Variants in DLGAP2 observed in about 807,000 individuals in gnomAD.
The protein encoded by DLGAP2 is disks large-associated protein 2.
In DLGAP2, 26 loss-of-function variants were observed where a neutral mutation model predicts 100.3. The ratio of observed to expected loss-of-function variants is 0.26; its 90% CI spans 0.19 to 0.36. DLGAP2 has a LOEUF of 0.36. DLGAP2 is among the 10% of genes least tolerant of loss of function. The pLI, the probability that DLGAP2 is intolerant of heterozygous loss-of-function variation, is 1.00. For synonymous variants in DLGAP2, 886 were observed against 630.1 expected (o/e 1.41, Z -6.08); for missense variants, 1,858 against 1,453.2 (o/e 1.28, Z -4.53).
intron 3 of DLGAP2, among the ~76,000 whole-genome samples, chr8:1,309,726 C>A (rs991722523): frequency 6.6e-6 from 1 of 152,210 alleles, no homozygotes; most frequent in East Asian, 1.9e-4. Context: ...ACCTTTGTTG[C>A]TACAGAAATT....
intron 3 of DLGAP2, among the ~76,000 whole-genome samples, chr8:1,265,514 A>G (rs775565973): frequency 2.0e-5 from 3 of 152,230 alleles, no homozygotes; most frequent in Non-Finnish European, 2.9e-5. Flanking sequence ...TTAAAAAAGA[A>G]TGGGGAGAAA....
At chr8:1,353,479 T>G (rs968902562) in intron 3 of DLGAP2, among the ~76,000 whole-genome samples, 4 of 152,222 alleles carry the variant, frequency 2.6e-5, no homozygotes, top group African/African-American at 4.8e-5. Flanking sequence ...CTTGCCCCGC[T>G]GCAGGCTCAT....
chr8:1,066,382 A>AC (rs1237895382), intron 2 of DLGAP2, among the ~76,000 whole-genome samples: 2 of 146,362 alleles, frequency 1.4e-5, no homozygotes, highest in Non-Finnish European at 3.0e-5. Context: ...GTTCCCCACC[A>AC]GGATCAGGTC....
chr8:1,208,336 T>C (rs757801890), intron 2 of DLGAP2, among the ~76,000 whole-genome samples: 23 of 152,244 alleles, frequency 1.5e-4, no homozygotes, highest in Non-Finnish European at 2.9e-4. Context: ...TCCCCGCTTA[T>C]GTTTTTGTTT....
At chr8:1,391,098 G>A (rs1483352791) in intron 3 of DLGAP2, among the ~76,000 whole-genome samples, 2 of 152,218 alleles carry the variant, frequency 1.3e-5, no homozygotes, top group African/African-American at 2.4e-5. Flanking sequence ...GAAAGAAGAC[G>A]TTCCAAGAGT....
At chr8:867,960 G>A (rs1446363312) in intron 1 of DLGAP2, among the ~76,000 whole-genome samples, 1 of 152,206 alleles carries the variant, frequency 6.6e-6, no homozygotes, top group African/African-American at 2.4e-5. Flanking sequence ...AACATCTGAG[G>A]TGATAGTTTA....
chr8:1,601,452 G>T (rs944264679), intron 6 of DLGAP2, among the ~76,000 whole-genome samples: 9 of 152,212 alleles, frequency 5.9e-5, no homozygotes, highest in Admixed American at 3.9e-4. Context: ...AAACGTTTAC[G>T]TCTGCTGAAG....
intron 1 of DLGAP2, among the ~76,000 whole-genome samples, chr8:755,625 A>G (rs1820900565): frequency 6.6e-6 from 1 of 152,030 alleles, no homozygotes; most frequent in South Asian, 2.1e-4. Context: ...GGTGGGGGTG[A>G]ATGTATTCCA....
chr8:791,838 C>G (rs913462934), intron 1 of DLGAP2, among the ~76,000 whole-genome samples: 2 of 152,184 alleles, frequency 1.3e-5, no homozygotes, highest in African/African-American at 4.8e-5. Context: ...CACGCTCGCT[C>G]TCCTGTTCCC....
intron 2 of DLGAP2, among the ~76,000 whole-genome samples, chr8:962,143 C>CA (rs2129010253): frequency 6.6e-6 from 1 of 152,258 alleles, no homozygotes; most frequent in East Asian, 1.9e-4. Context: ...TTGGATGGCT[C>CA]ATTTTCTTAT....
At chr8:1,276,196 A>G (rs534613268) in intron 3 of DLGAP2, among the ~76,000 whole-genome samples, 78 of 150,012 alleles carry the variant, frequency 5.2e-4, no homozygotes, top group Middle Eastern at 3.5e-3. Flanking sequence ...CTCTCTCTCA[A>G]CTCCAATCAA....
intron 3 of DLGAP2, among the ~76,000 whole-genome samples, chr8:1,371,185 GTATGCAT>G (rs1467906903): frequency 6.6e-6 from 1 of 152,226 alleles, no homozygotes; most frequent in East Asian, 1.9e-4. Flanking sequence ...CCTCCGTCCT[GTATGCAT>G]TAACAGTCTC....
At chr8:1,252,450 GTGT>G (rs1382916489) in intron 2 of DLGAP2, among the ~76,000 whole-genome samples, 1 of 152,124 alleles carries the variant, frequency 6.6e-6, no homozygotes, top group African/African-American at 2.4e-5. Flanking sequence ...TCACACTGTG[GTGT>G]TGTCACGTGC....
At chr8:1,417,392 C>A (rs1796926003) in intron 3 of DLGAP2, among the ~76,000 whole-genome samples, 1 of 152,212 alleles carries the variant, frequency 6.6e-6, no homozygotes, top group African/African-American at 2.4e-5. Flanking sequence ...TTATCCTGAT[C>A]AGGACACGGA....
intron 2 of DLGAP2, among the ~76,000 whole-genome samples, chr8:1,130,378 C>G (rs1796265012): frequency 6.6e-6 from 1 of 152,114 alleles, no homozygotes; most frequent in Non-Finnish European, 1.5e-5. Flanking sequence ...AAAAGCAACT[C>G]ACAGATATGA....
chr8:1,254,282 C>G (rs958125518), intron 2 of DLGAP2, among the ~76,000 whole-genome samples: 1 of 152,224 alleles, frequency 6.6e-6, no homozygotes, highest in Admixed American at 6.5e-5. Context: ...CAGGACTCCG[C>G]TCTGTCCCCA....
At chr8:1,063,460 C>A (rs1214108229) in intron 2 of DLGAP2, among the ~76,000 whole-genome samples, 4 of 150,868 alleles carry the variant, frequency 2.7e-5, no homozygotes, top group Non-Finnish European at 5.9e-5. Flanking sequence ...ATCCACAAGA[C>A]GATGGTCCAG....
chr8:1,565,916 C>T lies in DLGAP2; in HGVS notation c.1442+22C>T, dbSNP rs753944157. 8.3e-6 allele frequency: 13 copies of T among 1,567,254 alleles called. 1 individual carries two copies. In the South Asian group the frequency reaches 1.4e-4, roughly 17 times the overall value. ...AGACGTAAGTGAGACCAGCTGCCTT[C>T]CCACTCCAAGCACTTTCCCACTGCC... On this transcript the variant is annotated intron_variant, in intron 6 of 14. Transcript: ENST00000637795.
intron 8 of DLGAP2, among the ~76,000 whole-genome samples, chr8:1,658,602 C>A (rs1359926964): frequency 6.6e-6 from 1 of 152,052 alleles, no homozygotes; most frequent in African/African-American, 2.4e-5. Context: ...TTTATCCATT[C>A]CCTTCTAGAT....
Sources: gnomAD v4.1 joint callset for allele counts (sites outside exome capture counted in the v4.1 genomes callset) on GRCh38, gnomAD v4.1.1 for gene constraint, MANE v1.5 for transcripts, NCBI Gene and HGNC (gene_info 2026-07-23, HGNC 2026-07-21) for gene names.